The following CFTR variants were observed in gnomAD, a reference collection of about 807,000 sequenced individuals.
CFTR encodes the protein cystic fibrosis transmembrane conductance regulator.
In CFTR, 181 loss-of-function variants were observed where a neutral mutation model predicts 171.6. The ratio of observed to expected loss-of-function variants is 1.05; its 90% CI spans 0.93 to 1.19. The LOEUF (loss-of-function observed/expected upper bound fraction) is 1.19. Ranked by LOEUF, CFTR falls within the 50% of genes most tolerant of loss-of-function variation. The pLI is 0.00. For synonymous variants in CFTR, 583 were observed against 608.0 expected, an observed-to-expected ratio of 0.96 and a Z score of 0.60; for missense variants, 1,968 against 1,734.7, an observed-to-expected ratio of 1.13 and a Z score of -2.39.
chr7:117,514,391 G>A (rs1024546202), intron 3 of CFTR, among the ~76,000 whole-genome samples: 2 of 152,004 alleles, frequency 1.3e-5, no homozygotes, highest in East Asian at 1.9e-4. Flanking sequence ...TCCCTTTTAC[G>A]AGTGAGAACA....
intron 1 of CFTR, among the ~76,000 whole-genome samples, chr7:117,494,225 A>G (rs1037555054): frequency 2.0e-5 from 3 of 152,060 alleles, no homozygotes; most frequent in Admixed American, 6.6e-5. Flanking sequence ...TCCCCAAACT[A>G]TATCAGGTGG....
intron 3 of CFTR, among the ~76,000 whole-genome samples, chr7:117,520,871 T>TA (rs1359911753): frequency 6.6e-6 from 1 of 151,924 alleles, no homozygotes; most frequent in Non-Finnish European, 1.5e-5. Flanking sequence ...TCCCTACTCT[T>TA]ACGGTGCTAA....
rs552152657 is a variant in CFTR, at chr7:117,553,488, T to A, written c.1392+4665T>A. 7.2e-5 allele frequency among the ~76,000 whole-genome samples: 11 copies of A among 152,298 alleles called. No individual in the cohort carries two copies. The East Asian group carries it at 1.9e-3, about 27-fold the overall frequency. On this transcript the variant is annotated intron_variant, in intron 10 of 26. Transcript: ENST00000003084. ...TTTGGTAGATGTTGTCAAATGTCCT[T>A]CCCTGAAATTTGTACCAATTCGTAC...
chr7:117,631,361 TC>T (rs943507645), intron 22 of CFTR, among the ~76,000 whole-genome samples: 2 of 152,132 alleles, frequency 1.3e-5, no homozygotes, highest in Non-Finnish European at 2.9e-5. Flanking sequence ...GTTATTCATA[TC>T]AAGCCCCTAT....
chr7:117,509,584 A>C (rs548460332), intron 3 of CFTR, among the ~76,000 whole-genome samples: 1 of 152,308 alleles, frequency 6.6e-6, no homozygotes, highest in East Asian at 1.9e-4. Flanking sequence ...GTTTCAAAGA[A>C]AAACACTAAA....
intron 10 of CFTR, among the ~76,000 whole-genome samples, chr7:117,557,039 A>G (rs1799373020): frequency 6.6e-6 from 1 of 151,652 alleles, no homozygotes; most frequent in African/African-American, 2.4e-5. Context: ...TTTTTGAGTT[A>G]GATGTTTGAC....
At chr7:117,567,142 C>CAT (rs1460586360) in intron 11 of CFTR, among the ~76,000 whole-genome samples, 1 of 152,166 alleles carries the variant, frequency 6.6e-6, no homozygotes, top group Non-Finnish European at 1.5e-5. Flanking sequence ...TGTATCATGA[C>CAT]ATATATATGC....
chr7:117,575,517 C>T (rs544921648), intron 11 of CFTR, among the ~76,000 whole-genome samples: 138 of 152,188 alleles, frequency 9.1e-4, no homozygotes, highest in South Asian at 1.2e-3. Flanking sequence ...TATTAAAATC[C>T]TGCACTGAGT....
At chr7:117,537,360 G>A (rs1798975055) in intron 7 of CFTR, among the ~76,000 whole-genome samples, 1 of 152,022 alleles carries the variant, frequency 6.6e-6, no homozygotes, top group Non-Finnish European at 1.5e-5. Flanking sequence ...ATAAATTTGG[G>A]CAAAATATAA....
intron 9 of CFTR, among the ~76,000 whole-genome samples, chr7:117,543,831 C>T (rs777789874): frequency 3.3e-5 from 5 of 152,142 alleles, no homozygotes; most frequent in African/African-American, 4.8e-5. Flanking sequence ...GCGACTTCAA[C>T]GTCCATATAA....
intron 11 of CFTR, among the ~76,000 whole-genome samples, chr7:117,583,264 T>C (rs528093299): frequency 1.4e-4 from 22 of 152,254 alleles, no homozygotes; most frequent in Admixed American, 3.3e-4. Flanking sequence ...GAGATTTTGA[T>C]ATACCCATCA....
At chr7:117,591,412 G>A (rs576286605) in intron 13 of CFTR, among the ~76,000 whole-genome samples, 3 of 152,012 alleles carry the variant, frequency 2.0e-5, no homozygotes, top group Non-Finnish European at 2.9e-5. Flanking sequence ...ATTAATTATC[G>A]AATTCTCAGT....
chr7:117,514,875 A>G (rs1798574612), intron 3 of CFTR, among the ~76,000 whole-genome samples: 1 of 152,140 alleles, frequency 6.6e-6, no homozygotes, highest in Non-Finnish European at 1.5e-5. Context: ...ATGGTATCTC[A>G]TTGTGGTTTT....
intron 3 of CFTR, among the ~76,000 whole-genome samples, chr7:117,515,012 G>A (rs1270490831): frequency 6.7e-6 from 1 of 149,672 alleles, no homozygotes. Flanking sequence ...TTTTTTTCTT[G>A]TGAATTTGTT....
Position 117,504,290 on chromosome 7 carries a change from C to T in CFTR, c.91C>T (p.Arg31Cys), listed in dbSNP as rs1800073. The T allele has an allele frequency of 1.5e-3, 2,431 of 1,611,884 alleles. 9 individuals carry two copies. The highest frequency in any genetic ancestry group is 6.8e-3 in the East Asian group (303 of 44,800). Residue 31 changes from arginine to cysteine, a missense_variant, in exon 2 of 27, where the codon CGC becomes TGC. Physicochemically the swap from Arg to Cys is radical, Grantham distance 180 (BLOSUM62 -3). Coordinates refer to ENST00000003084, the MANE Select transcript of CFTR (RefSeq NM_000492.4). ...AATTTTGAGGAAAGGATACAGACAG[C>T]GCCTGGAATTGTCAGACATATACCA... ...RPILRKGYRQ[R>C]LELSDIYQIP...
At chr7:117,652,994 T>C in intron 24 of CFTR, 63 bp downstream of exon 24, 2 of 962,562 alleles carry the variant, frequency 2.1e-6, no homozygotes, top group South Asian at 1.3e-5. Context: ...ATGGCTGATA[T>C]AGCTGACATC....
chr7:117,557,888 A>G (rs1799385795), intron 10 of CFTR, among the ~76,000 whole-genome samples: 1 of 152,130 alleles, frequency 6.6e-6, no homozygotes, highest in East Asian at 1.9e-4. Flanking sequence ...CTCCACAAAT[A>G]TTTTTTGAAT....
intron 19 of CFTR, among the ~76,000 whole-genome samples, chr7:117,611,129 C>T (rs1464377458): frequency 6.6e-6 from 1 of 152,118 alleles, no homozygotes; most frequent in African/African-American, 2.4e-5. Flanking sequence ...TAGGGAATCA[C>T]ATTTTGCAGT....
At chr7:117,482,964 G>A (rs897760704) in intron 1 of CFTR, among the ~76,000 whole-genome samples, 3 of 152,228 alleles carry the variant, frequency 2.0e-5, no homozygotes, top group African/African-American at 7.2e-5. Flanking sequence ...TACAAGGGAT[G>A]TGGGGTCTCC....
Sources: gnomAD v4.1 joint callset for allele counts (sites outside exome capture counted in the v4.1 genomes callset) on GRCh38, gnomAD v4.1.1 for gene constraint, MANE v1.5 for transcripts, NCBI Gene and HGNC (gene_info 2026-07-23, HGNC 2026-07-21) for gene names.